Variants in SOCS7 observed in about 807,000 individuals in gnomAD.
SOCS7 encodes the protein suppressor of cytokine signaling 7.
In SOCS7, 18 loss-of-function variants were observed where a neutral mutation model predicts 58.9. The ratio of observed to expected loss-of-function variants is 0.31; its 90% CI spans 0.21 to 0.45. The LOEUF is 0.45. SOCS7 is among the 20% of genes least tolerant of loss of function. The pLI, the probability that SOCS7 is intolerant of heterozygous loss-of-function variation, is 1.00. For missense variants in SOCS7, 667 were observed against 837.3 expected (o/e 0.80, Z 2.51); for synonymous variants, 388 against 364.3 (o/e 1.06, Z -0.74).
intron 6 of SOCS7, among the ~76,000 whole-genome samples, chr17:38,370,556 G>A (rs2037850031): frequency 6.6e-6 from 1 of 151,676 alleles, no homozygotes; most frequent in South Asian, 2.1e-4. Flanking sequence ...GCCCAGGCTG[G>A]TCTTGAACTC....
chr17:38,395,263 C>T, intron 7 of SOCS7, 46 bp from the exon 8 acceptor site: 1 of 1,601,672 alleles, frequency 6.2e-7, no homozygotes, highest in Non-Finnish European at 8.5e-7. Flanking sequence ...TGGTAGTTAG[C>T]TCCATTGTTT....
chr17:38,373,345 T>A (rs1381726317), intron 6 of SOCS7, among the ~76,000 whole-genome samples: 1 of 152,104 alleles, frequency 6.6e-6, no homozygotes, highest in Non-Finnish European at 1.5e-5. Flanking sequence ...CCAGACACCA[T>A]GGGGAAAATC....
chr17:38,391,986 G>T (rs7217260), intron 7 of SOCS7, among the ~76,000 whole-genome samples: 12 of 152,102 alleles, frequency 7.9e-5, no homozygotes, highest in Admixed American at 7.9e-4. Context: ...CTAGAAACTA[G>T]GTTTGTGCCC....
At position 38,387,835 on chromosome 17, in the gene SOCS7, T is replaced by C. The variant is rs186198406; in HGVS notation, c.1682-7474T>C. 1.6e-3 allele frequency among the ~76,000 whole-genome samples: 240 copies of C among 147,640 alleles called. 1 individual carries two copies. Among genetic ancestry groups the C allele is most frequent in the Middle Eastern group, 7.0e-3 (2 of 284 alleles). ...CCCAGGCTAGAGTGCAGTGGCGTGA[T>C]CTTGGCTCACTGCAACCTCCGACTC... On this transcript the variant is annotated intron_variant, in intron 7 of 9. Transcript: ENST00000612932.
At chr17:38,359,765 TAAAAAAATTTTTAATTA>T (rs1427349121) in intron 1 of SOCS7, among the ~76,000 whole-genome samples, 1 of 150,532 alleles carries the variant, frequency 6.6e-6, no homozygotes, top group Non-Finnish European at 1.5e-5. Flanking sequence ...ATTATTTTTT[TAAAAAAATTTTTAATTA>T]AAAAAAATTT....
rs1555568070 is a variant in SOCS7 at position 38,364,866 on chromosome 17, C to T, written c.1150+10C>T. On this transcript the variant is annotated intron_variant, in intron 3 of 9. Coordinates refer to ENST00000612932, the MANE Select transcript of SOCS7 (RefSeq NM_014598.4). Reference sequence around the variant, plus strand: ...AGCCTCAGCCTCCTAGGTATAGTTTCTTCCCCTCTCCACCTTCTTGCCTAG... The same window carrying T: ...AGCCTCAGCCTCCTAGGTATAGTTTTTTCCCCTCTCCACCTTCTTGCCTAG... The T allele has an allele frequency of 3.1e-6, 5 of 1,602,702 alleles. No homozygotes were observed. The highest frequency in any genetic ancestry group is 4.3e-6 in the Non-Finnish European group (5 of 1,170,120).
At chr17:38,370,689 G>A (rs998541512) in intron 6 of SOCS7, among the ~76,000 whole-genome samples, 1 of 147,076 alleles carries the variant, frequency 6.8e-6, no homozygotes, top group Non-Finnish European at 1.5e-5. Flanking sequence ...TTGCTCCATC[G>A]CCCAGGCTAG....
intron 6 of SOCS7, among the ~76,000 whole-genome samples, chr17:38,368,299 C>T (rs903477716): frequency 6.6e-6 from 1 of 151,974 alleles, no homozygotes; most frequent in Non-Finnish European, 1.5e-5. Context: ...ATAGGAGGGC[C>T]TGAACAAAAC....
At chr17:38,377,053 G>GCC (rs1729038983) in intron 6 of SOCS7, among the ~76,000 whole-genome samples, 1 of 152,130 alleles carries the variant, frequency 6.6e-6, no homozygotes, top group African/African-American at 2.4e-5. Flanking sequence ...CACCATCTAG[G>GCC]TTTGGATAAG....
At position 38,352,515 on chromosome 17, in the gene SOCS7, C is replaced by T. The variant is rs923554432; in HGVS notation, c.463C>T (p.Pro155Ser). 1 of 1,545,440 alleles carries T rather than the reference C, an allele frequency of 6.5e-7. No individual in the cohort carries two copies. The highest frequency in any genetic ancestry group is 1.2e-5 in the South Asian group (1 of 83,558). ...CPCPCPPQPP[P>S]PQPQPPAAAP... ...GTGTCCGTGTCCTCCTCAGCCGCCC[C>T]CTCCGCAGCCCCAGCCGCCTGCTGC... Residue 155 changes from proline (P) to serine (S), a missense_variant, in exon 1 of 10, where the codon CCT (proline) becomes TCT (serine). Pro to Ser is a moderately conservative substitution (Grantham distance 74). Around this residue, in one of 9 missense-constraint regions of SOCS7, gnomAD observed 154 missense variants for 156.3 expected, o/e 0.98. Transcript: ENST00000612932. The surrounding 1 kb of genome is among the most constrained non-coding windows in gnomAD (Gnocchi z 5.5).
intron 7 of SOCS7, among the ~76,000 whole-genome samples, chr17:38,390,672 CTTCCTTCCT>C (rs1304884771): frequency 1.4e-5 from 2 of 141,490 alleles, no homozygotes; most frequent in Admixed American, 1.4e-4. Context: ...TCCTTCCTTC[CTTCCTTCCT>C]TCCTTCCTTC....
intron 7 of SOCS7, among the ~76,000 whole-genome samples, chr17:38,388,912 G>A (rs2038115574): frequency 6.6e-6 from 1 of 151,994 alleles, no homozygotes; most frequent in African/African-American, 2.4e-5. Context: ...CCAGTTTTTG[G>A]CTATTATGAA....
chr17:38,388,568 A>G (rs528095069), intron 7 of SOCS7, among the ~76,000 whole-genome samples: 1 of 152,304 alleles, frequency 6.6e-6, no homozygotes, highest in South Asian at 2.1e-4. Flanking sequence ...GTATATTCAC[A>G]GAGTTGTACA....
intron 6 of SOCS7, among the ~76,000 whole-genome samples, chr17:38,368,917 ACTAT>A (rs762518781): frequency 3.3e-5 from 5 of 152,184 alleles, no homozygotes; most frequent in Non-Finnish European, 7.3e-5. Context: ...CATGCTTTAG[ACTAT>A]CTGCCATTCT....
intron 9 of SOCS7, among the ~76,000 whole-genome samples, chr17:38,398,571 T>C (rs2038274771): frequency 6.6e-6 from 1 of 152,162 alleles, no homozygotes. Context: ...GGGTATGAAA[T>C]TTGGCCTTTA....
intron 7 of SOCS7, among the ~76,000 whole-genome samples, chr17:38,389,988 C>T (rs1489086052): frequency 1.4e-5 from 2 of 140,088 alleles, no homozygotes; most frequent in African/African-American, 5.2e-5. Flanking sequence ...GTGGCACGAT[C>T]GTGGCTCACT....
chr17:38,382,375 C>T (rs2038014144), intron 7 of SOCS7, among the ~76,000 whole-genome samples: 1 of 144,890 alleles, frequency 6.9e-6, no homozygotes, highest in African/African-American at 2.6e-5. Context: ...TAGGTCAAGG[C>T]TGCAGTGAGC....
intron 7 of SOCS7, among the ~76,000 whole-genome samples, chr17:38,380,266 G>A (rs2037983778): frequency 6.6e-6 from 1 of 152,066 alleles, no homozygotes; most frequent in Non-Finnish European, 1.5e-5. Flanking sequence ...CAGGTACTTG[G>A]CCAGGCTCTT....
At chr17:38,364,947 G>A (rs1219866439) in intron 3 of SOCS7, 91 bp downstream of exon 3, 2 of 925,942 alleles carry the variant, frequency 2.2e-6, no homozygotes, top group Non-Finnish European at 3.4e-6. Flanking sequence ...ACGCTTCTGG[G>A]TTTCCGATGA....
Sources: gnomAD v4.1 joint callset for allele counts (sites outside exome capture counted in the v4.1 genomes callset) on GRCh38, gnomAD v4.1.1 for gene constraint, gnomAD v4.1.1 regional missense constraint, Gnocchi (gnomAD v3.1) non-coding constraint, MANE v1.5 for transcripts, NCBI Gene and HGNC (gene_info 2026-07-23, HGNC 2026-07-21) for gene names.